The following ROBO1 variants were observed in gnomAD, a reference collection of about 807,000 sequenced individuals.
ROBO1 encodes the protein roundabout homolog 1.
A neutral mutation model predicts 195.9 loss-of-function variants in ROBO1; 149 were observed. The observed-to-expected ratio is 0.76, with a 90% confidence interval of 0.67 to 0.87. ROBO1 has a LOEUF of 0.87. ROBO1 is among the 40% of genes least tolerant of loss of function. ROBO1 has a pLI of 0.00. For missense variants in ROBO1, 1,933 were observed against 2,068.3 expected (o/e 0.93, Z 1.27); for synonymous variants, 816 against 733.2 (o/e 1.11, Z -1.82).
At chr3:78,844,505 A>G (rs747909259) in intron 4 of ROBO1, among the ~76,000 whole-genome samples, 5 of 152,096 alleles carry the variant, frequency 3.3e-5, no homozygotes, top group Non-Finnish European at 7.4e-5. Context: ...CAGAGATGAC[A>G]AGATGGTTCG....
chr3:79,051,679 G>A (rs185506459), intron 3 of ROBO1, among the ~76,000 whole-genome samples: 2 of 152,058 alleles, frequency 1.3e-5, no homozygotes, highest in East Asian at 1.9e-4. Context: ...GGGAAGTCAG[G>A]GACCCTGAAT....
At chr3:79,475,141 C>CT (rs201895676) in intron 2 of ROBO1, among the ~76,000 whole-genome samples, 3,473 of 151,192 alleles carry the variant, frequency 0.023, 73 homozygotes, top group African/African-American at 0.056. Flanking sequence ...AACTCAATTG[C>CT]TTTTTTTTTA....
intron 4 of ROBO1, among the ~76,000 whole-genome samples, chr3:78,880,624 A>G (rs1389273770): frequency 1.3e-5 from 2 of 152,224 alleles, no homozygotes; most frequent in Non-Finnish European, 2.9e-5. Flanking sequence ...ATGTCAAGAA[A>G]ATTGCAAATT....
chr3:78,787,485 G>A (rs972456190), intron 4 of ROBO1, among the ~76,000 whole-genome samples: 1 of 152,132 alleles, frequency 6.6e-6, no homozygotes. Flanking sequence ...AGTTCATCCA[G>A]GGTACATAAT....
chr3:79,135,775 C>T (rs150281442), intron 2 of ROBO1, among the ~76,000 whole-genome samples: 35 of 152,068 alleles, frequency 2.3e-4, no homozygotes, highest in African/African-American at 8.2e-4. Flanking sequence ...GTAGCTGGGA[C>T]TGCAGGCATG....
chr3:79,683,355 GCAAA>G (rs1947006947), intron 1 of ROBO1, among the ~76,000 whole-genome samples: 2 of 151,892 alleles, frequency 1.3e-5, no homozygotes, highest in South Asian at 4.1e-4. Flanking sequence ...TTATAAAATT[GCAAA>G]CAAATTCATG....
chr3:79,332,200 C>CT (rs1446339767), intron 2 of ROBO1, among the ~76,000 whole-genome samples: 1 of 143,810 alleles, frequency 7.0e-6, no homozygotes, highest in African/African-American at 2.6e-5. Context: ...TATTGATGAC[C>CT]TAAAAAAAAA....
At chr3:78,943,171 G>A (rs957278132) in intron 3 of ROBO1, among the ~76,000 whole-genome samples, 3 of 151,736 alleles carry the variant, frequency 2.0e-5, no homozygotes, top group Non-Finnish European at 2.9e-5. Flanking sequence ...AGCCAAGATC[G>A]TGCCACTGCA....
chr3:79,181,219 C>A (rs2081334141), intron 2 of ROBO1, among the ~76,000 whole-genome samples: 1 of 152,168 alleles, frequency 6.6e-6, no homozygotes, highest in African/African-American at 2.4e-5. Flanking sequence ...CACTTTCACT[C>A]TGTGTGAACC....
intron 2 of ROBO1, among the ~76,000 whole-genome samples, chr3:79,454,078 C>T (rs2039534808): frequency 6.7e-6 from 1 of 150,200 alleles, no homozygotes; most frequent in African/African-American, 2.4e-5. Context: ...TAATTGGCTT[C>T]TTAAAAATTA....
intron 8 of ROBO1, among the ~76,000 whole-genome samples, chr3:78,705,726 G>A (rs114302777): frequency 0.018 from 2,795 of 152,220 alleles, 80 homozygotes; most frequent in African/African-American, 0.063. Context: ...GTGGGCTGGC[G>A]TCATCCAATC....
chr3:79,200,542 C>T (rs114090781), intron 2 of ROBO1, among the ~76,000 whole-genome samples: 2,875 of 151,640 alleles, frequency 0.019, 53 homozygotes, highest in Middle Eastern at 0.024. Context: ...ATATTACATA[C>T]TGTAATAAGA....
chr3:79,327,863 T>C (rs1323152307), intron 2 of ROBO1, among the ~76,000 whole-genome samples: 1 of 152,140 alleles, frequency 6.6e-6, no homozygotes, highest in East Asian at 1.9e-4. Context: ...AATGCAATAA[T>C]GGAAATAGCA....
At chr3:79,288,929 T>A (rs1190888922) in intron 2 of ROBO1, among the ~76,000 whole-genome samples, 2 of 152,168 alleles carry the variant, frequency 1.3e-5, no homozygotes, top group Non-Finnish European at 2.9e-5. Context: ...GCGGTCTTTT[T>A]TTCACATCAG....
At chr3:78,884,547 AAGAAAGAAAGAGAGAAAGAG>A (rs1428716225) in intron 4 of ROBO1, among the ~76,000 whole-genome samples, 6 of 151,618 alleles carry the variant, frequency 4.0e-5, no homozygotes, top group East Asian at 1.9e-4. Flanking sequence ...TCAAAAAAGA[AAGAAAGAAAGAGAGAAAGAG>A]AGAAAGAAAG....
intron 4 of ROBO1, among the ~76,000 whole-genome samples, chr3:78,839,515 AAATT>A (rs1238802535): frequency 3.3e-5 from 5 of 152,046 alleles, no homozygotes; most frequent in African/African-American, 7.2e-5. Flanking sequence ...GCATCATAGT[AAATT>A]AATTAAACAA....
At position 78,606,941 on chromosome 3, in the gene ROBO1, A is replaced by AG; in HGVS notation, c.4535dup (p.Ser1513PhefsTer30). 6.2e-7 allele frequency: 1 copy of AG among 1,613,856 alleles called. No homozygotes were observed. On this transcript the variant is annotated frameshift_variant, in exon 29 of 31. Coordinates refer to ENST00000464233, the MANE Select transcript of ROBO1 (RefSeq NM_002941.4). LOFTEE classifies it high-confidence loss of function. ...ATCTGTCTGTTCTTGCATCCATAGA[A>AG]GGGAGTTTTGGCACCACTACAGGTC... is the stretch of plus-strand genomic sequence containing the variant.
At chr3:79,677,083 G>C (rs1946805010) in intron 1 of ROBO1, among the ~76,000 whole-genome samples, 1 of 152,078 alleles carries the variant, frequency 6.6e-6, no homozygotes, top group South Asian at 2.1e-4. Flanking sequence ...CCAACTCTTG[G>C]TGTTAAAACT....
intron 3 of ROBO1, among the ~76,000 whole-genome samples, chr3:79,024,145 A>G (rs542141777): frequency 1.3e-5 from 2 of 152,294 alleles, no homozygotes; most frequent in Admixed American, 6.5e-5. Context: ...GAGATACTCA[A>G]CTTTGCTGTG....
Sources: gnomAD v4.1 joint callset for allele counts (sites outside exome capture counted in the v4.1 genomes callset) on GRCh38, gnomAD v4.1.1 for gene constraint, MANE v1.5 for transcripts, NCBI Gene and HGNC (gene_info 2026-07-23, HGNC 2026-07-21) for gene names.